CNTN3: variants seen among roughly 807,000 people sequenced by gnomAD.
CNTN3 encodes contactin-3.
Under a neutral mutation model 119.1 loss-of-function variants are expected in CNTN3, and 60 were observed. That is an observed-to-expected ratio of 0.50 (90% CI 0.41 to 0.62). CNTN3 has a LOEUF of 0.62. CNTN3 is among the 20% of genes least tolerant of loss of function. The pLI, the probability that CNTN3 is intolerant of heterozygous loss-of-function variation, is 0.00. For synonymous variants in CNTN3, 450 were observed against 438.7 expected, an observed-to-expected ratio of 1.03 and a Z score of -0.32; for missense variants, 1,101 against 1,242.4, an observed-to-expected ratio of 0.89 and a Z score of 1.71.
intron 4 of CNTN3, among the ~76,000 whole-genome samples, chr3:74,450,601 C>T (rs1702132337): frequency 1.3e-5 from 2 of 150,200 alleles, no homozygotes; most frequent in Admixed American, 6.6e-5. Context: ...CATGCTGGTG[C>T]GCTGCACCCA....
chr3:74,376,497 T>C (rs1704478527), intron 5 of CNTN3, among the ~76,000 whole-genome samples: 1 of 152,192 alleles, frequency 6.6e-6, no homozygotes, highest in Non-Finnish European at 1.5e-5. Context: ...GAAAATCTAA[T>C]GCCTGCTGAT....
At chr3:74,386,436 G>T (rs960066210) in intron 5 of CNTN3, among the ~76,000 whole-genome samples, 1 of 152,104 alleles carries the variant, frequency 6.6e-6, no homozygotes, top group African/African-American at 2.4e-5. Flanking sequence ...TGGGCAACAT[G>T]GTGAAAAATT....
chr3:74,415,482 T>C (rs1438103315), intron 5 of CNTN3, among the ~76,000 whole-genome samples: 1 of 152,168 alleles, frequency 6.6e-6, no homozygotes, highest in Admixed American at 6.5e-5. Context: ...ATAAAGCTTC[T>C]GTTTCTTTAT....
At position 74,338,020 on chromosome 3, in the gene CNTN3, C is replaced by A. The variant is rs557105292; in HGVS notation, c.1365-1362G>T. 3.9e-5 allele frequency among the ~76,000 whole-genome samples: 6 copies of A among 152,164 alleles called. No individual in the cohort carries two copies. The South Asian group carries it at 1.2e-3, about 32-fold the overall frequency. On this transcript the variant is annotated intron_variant, in intron 11 of 22. Coordinates refer to ENST00000263665, the MANE Select transcript of CNTN3 (RefSeq NM_020872.3). ...GTCTACTCATAATTATGTTCTCTTT[C>A]TTTGAATTCCTAAAATAATTACTAT...
At chr3:74,557,726 T>TG (rs1491546895) in intron 1 of CNTN3, among the ~76,000 whole-genome samples, 5 of 17,168 alleles carry the variant, frequency 2.9e-4, no homozygotes, top group Non-Finnish European at 6.9e-4. Context: ...CAGCAACAGA[T>TG]GAAAAAAAAA....
At position 74,532,284 on chromosome 3, in the gene CNTN3, AT is replaced by A. The variant is rs1287690453; in HGVS notation, c.-80-11093del. ...GGTAGAGGGTAAAGAGACAGCCATGATTAATGGTTTTCAGTTGGAAAATTCC... is the reference window on the plus strand; with the variant it reads ...GGTAGAGGGTAAAGAGACAGCCATGATAATGGTTTTCAGTTGGAAAATTCC... On this transcript the variant is annotated intron_variant, in intron 1 of 22. Transcript: ENST00000263665. Among the ~76,000 whole-genome samples, 7 of 152,114 alleles carry A rather than the reference AT, an allele frequency of 4.6e-5. No homozygotes were observed. In the South Asian group the frequency reaches 1.4e-3, roughly 31 times the overall value.
At chr3:74,408,391 A>G (rs1701374597) in intron 5 of CNTN3, among the ~76,000 whole-genome samples, 1 of 152,210 alleles carries the variant, frequency 6.6e-6, no homozygotes, top group Non-Finnish European at 1.5e-5. Flanking sequence ...GAACAGTAAC[A>G]GTGGTCGGTT....
rs1402798954 is a variant in CNTN3, at chr3:74,351,601, TG to T, written c.1364+10288del. 2.0e-5 allele frequency among the ~76,000 whole-genome samples: 3 copies of T among 152,244 alleles called. No individual in the cohort carries two copies. In the East Asian group the frequency reaches 5.8e-4, roughly 29 times the overall value. On this transcript the variant is annotated intron_variant, in intron 11 of 22. Transcript: ENST00000263665. ...GTATGTTTAACTTCATCTGACACAG[TG>T]AATAATGTGCATCGCAATTCCTATA...
chr3:74,533,530 T>C (rs1415891615), intron 1 of CNTN3, among the ~76,000 whole-genome samples: 1 of 151,960 alleles, frequency 6.6e-6, no homozygotes, highest in Non-Finnish European at 1.5e-5. Context: ...TATGCACACA[T>C]GTTATGTCAT....
Position 74,605,649 on chromosome 3 carries a change from G to C in CNTN3, c.-81+8742C>G, listed in dbSNP as rs563357159. Among the ~76,000 whole-genome samples, 47 of 152,084 alleles carry C rather than the reference G, an allele frequency of 3.1e-4. No homozygotes were observed. The East Asian group carries it at 5.8e-3, about 19-fold the overall frequency. Reference sequence around the variant, plus strand: ...ACTCACATCACTGGCTACCAGTTTTGGCTACTTGCCAGCTATTGGCTACTA... The same window carrying C: ...ACTCACATCACTGGCTACCAGTTTTCGCTACTTGCCAGCTATTGGCTACTA... On this transcript the variant is annotated intron_variant, in intron 1 of 22. Coordinates refer to ENST00000263665, the MANE Select transcript of CNTN3 (RefSeq NM_020872.3).
chr3:74,598,871 T>C (rs1261500627), intron 1 of CNTN3, among the ~76,000 whole-genome samples: 3 of 151,934 alleles, frequency 2.0e-5, no homozygotes, highest in South Asian at 2.1e-4. Flanking sequence ...GCAGTTTAGA[T>C]AGGTATACAG....
intron 12 of CNTN3, among the ~76,000 whole-genome samples, chr3:74,336,225 C>G (rs547804828): frequency 1.3e-5 from 2 of 151,932 alleles, no homozygotes; most frequent in East Asian, 1.9e-4. Flanking sequence ...CAAAGTGTAT[C>G]CTAAAGACCT....
At chr3:74,425,568 C>G (rs1461530706) in intron 4 of CNTN3, among the ~76,000 whole-genome samples, 1 of 151,978 alleles carries the variant, frequency 6.6e-6, no homozygotes, top group African/African-American at 2.4e-5. Flanking sequence ...AATGAACTAA[C>G]CAGACAATAT....
At chr3:74,357,243 A>G (rs1037749013) in intron 11 of CNTN3, among the ~76,000 whole-genome samples, 2 of 150,848 alleles carry the variant, frequency 1.3e-5, no homozygotes, top group Non-Finnish European at 2.9e-5. Flanking sequence ...CAAATCTATT[A>G]TACGATTTAC....
intron 20 of CNTN3, among the ~76,000 whole-genome samples, chr3:74,275,825 T>G (rs1701868346): frequency 6.6e-6 from 1 of 152,084 alleles, no homozygotes; most frequent in African/African-American, 2.4e-5. Flanking sequence ...GGCTAAATGC[T>G]CCACTTAAAA....
chr3:74,384,596 A>T (rs1340859688), intron 5 of CNTN3, among the ~76,000 whole-genome samples: 1 of 152,160 alleles, frequency 6.6e-6, no homozygotes, highest in Non-Finnish European at 1.5e-5. Flanking sequence ...CTATTTTCCA[A>T]ATAAATTCCT....
Position 74,357,101 on chromosome 3 carries a change from A to AT in CNTN3, c.1364+4788dup, listed in dbSNP as rs202039851. 3.3e-3 allele frequency among the ~76,000 whole-genome samples: 495 copies of AT among 151,320 alleles called. 8 individuals carry two copies. Among genetic ancestry groups the AT allele is most frequent in the Admixed American group, 0.024 (372 of 15,208 alleles). On this transcript the variant is annotated intron_variant, in intron 11 of 22. Transcript: ENST00000263665. ...ACCATACCCAGCTAATTATTTTTGT[A>AT]TTTTTTAGTACAGACAGGGTTTCAC...
chr3:74,281,190 A>C (rs1025226340), intron 20 of CNTN3, among the ~76,000 whole-genome samples: 2 of 152,134 alleles, frequency 1.3e-5, no homozygotes, highest in African/African-American at 4.8e-5. Context: ...TGAGCAGGGA[A>C]GTGACATTAT....
At chr3:74,330,247 T>C (rs1349571211) in intron 13 of CNTN3, among the ~76,000 whole-genome samples, 12 of 151,710 alleles carry the variant, frequency 7.9e-5, no homozygotes, top group Middle Eastern at 3.4e-3. Flanking sequence ...TCCCAGCTAG[T>C]AGGGAGGCTG....
Sources: allele counts gnomAD v4.1 joint callset (sites outside exome capture counted in the v4.1 genomes callset), GRCh38; gene constraint gnomAD v4.1.1; transcripts MANE v1.5; gene names NCBI Gene and HGNC (gene_info 2026-07-23, HGNC 2026-07-21).